The following NBAS variants were observed in gnomAD, a reference collection of about 807,000 sequenced individuals.
The protein encoded by NBAS is NBAS subunit of NRZ tethering complex.
NBAS carries 219 observed loss-of-function variants against 302.5 expected under a neutral mutation model. The observed-to-expected ratio is 0.72, with a 90% CI of 0.65 to 0.81. The LOEUF (loss-of-function observed/expected upper bound fraction) is 0.81. NBAS is among the 30% of genes least tolerant of loss of function. The pLI is 0.00. For missense variants in NBAS, 2,932 were observed against 2,841.6 expected (o/e 1.03, Z -0.72); for synonymous variants, 1,118 against 1,021.6 (o/e 1.09, Z -1.80).
At chr2:14,781,446 C>T in the NBAS span, among the ~76,000 whole-genome samples, 360 of 151,992 alleles carry the variant, frequency 2.4e-3, no homozygotes, top group African/African-American at 7.9e-3. Flanking sequence ...TCATTTCCTA[C>T]CTGGGCTACT....
At chr2:14,818,657 T>C in the NBAS span, among the ~76,000 whole-genome samples, 1 of 152,202 alleles carries the variant, frequency 6.6e-6, no homozygotes, top group African/African-American at 2.4e-5. Flanking sequence ...TTTGCGACAG[T>C]CCTTACCGTG....
At chr2:15,350,975 T>C (rs1673325390) in intron 35 of NBAS, among the ~76,000 whole-genome samples, 1 of 152,174 alleles carries the variant, frequency 6.6e-6, no homozygotes, top group African/African-American at 2.4e-5. Flanking sequence ...AATGCACATT[T>C]CCAGTGCTAC....
At chr2:14,874,442 T>A in the NBAS span, among the ~76,000 whole-genome samples, 34 of 143,224 alleles carry the variant, frequency 2.4e-4, no homozygotes, top group South Asian at 4.4e-3. Flanking sequence ...CTGTCTAACA[T>A]GGTGAAACCC....
At chr2:15,358,436 GC>G (rs1430548745) in intron 32 of NBAS, among the ~76,000 whole-genome samples, 1 of 151,882 alleles carries the variant, frequency 6.6e-6, no homozygotes. Flanking sequence ...GTGCGCGTGT[GC>G]CCGTGTGCAT....
At chr2:14,832,022 C>T in the NBAS span, among the ~76,000 whole-genome samples, 1 of 152,262 alleles carries the variant, frequency 6.6e-6, no homozygotes, top group African/African-American at 2.4e-5. Flanking sequence ...TCAGGAAGTG[C>T]TAGTGATCGA....
the NBAS span, among the ~76,000 whole-genome samples, chr2:14,951,988 G>T: frequency 6.6e-6 from 1 of 152,144 alleles, no homozygotes; most frequent in Non-Finnish European, 1.5e-5. Context: ...CATTGGTGGG[G>T]GAGGTGAAAA....
At chr2:15,135,151 C>G in the NBAS span, among the ~76,000 whole-genome samples, 3,188 of 152,272 alleles carry the variant, frequency 0.021, 40 homozygotes, top group Middle Eastern at 0.054. Context: ...ATCAGTGGCT[C>G]TTACGCAATA....
the NBAS span, among the ~76,000 whole-genome samples, chr2:15,094,359 C>T: frequency 1.3e-5 from 2 of 152,190 alleles, no homozygotes; most frequent in Admixed American, 1.3e-4. Flanking sequence ...CAAAAAAATA[C>T]ATTGCTCCTG....
chr2:15,411,621 A>T (rs1676690178), intron 25 of NBAS, among the ~76,000 whole-genome samples: 1 of 152,208 alleles, frequency 6.6e-6, no homozygotes, highest in South Asian at 2.1e-4. Flanking sequence ...TGACATATGT[A>T]ATCAGAAGTG....
chr2:15,294,278 G>T (rs535874377), intron 40 of NBAS, among the ~76,000 whole-genome samples: 1 of 152,110 alleles, frequency 6.6e-6, no homozygotes, highest in African/African-American at 2.4e-5. Context: ...CAGTAATAAC[G>T]AGGGCAGCAA....
chr2:14,955,475 G>T, the NBAS span, among the ~76,000 whole-genome samples: 1 of 152,224 alleles, frequency 6.6e-6, no homozygotes, highest in South Asian at 2.1e-4. Flanking sequence ...TCTGTATGGA[G>T]GCTCTGACTC....
intron 36 of NBAS, among the ~76,000 whole-genome samples, chr2:15,330,313 G>C (rs1026008244): frequency 2.0e-5 from 3 of 152,128 alleles, no homozygotes; most frequent in African/African-American, 7.2e-5. Flanking sequence ...AATAGCAAAA[G>C]CAAGTAAGCA....
chr2:15,001,622 T>C, the NBAS span, among the ~76,000 whole-genome samples: 57 of 152,262 alleles, frequency 3.7e-4, no homozygotes, highest in African/African-American at 1.3e-3. Flanking sequence ...TCTAACATAG[T>C]ATTGTGTCCA....
the NBAS span, among the ~76,000 whole-genome samples, chr2:15,075,627 G>T: frequency 6.6e-6 from 1 of 152,120 alleles, no homozygotes; most frequent in African/African-American, 2.4e-5. Flanking sequence ...TCTTTTGTGA[G>T]TCCCCAAAAT....
At chr2:14,901,728 C>T in the NBAS span, among the ~76,000 whole-genome samples, 1 of 152,174 alleles carries the variant, frequency 6.6e-6, no homozygotes, top group Non-Finnish European at 1.5e-5. Flanking sequence ...CTTAATTCAT[C>T]ATTTTTAAAT....
At chr2:15,499,563 G>A (rs2148628195) in intron 11 of NBAS, among the ~76,000 whole-genome samples, 1 of 152,246 alleles carries the variant, frequency 6.6e-6, no homozygotes, top group East Asian at 1.9e-4. Context: ...GCTAAATGAT[G>A]AGAACACATA....
chr2:15,389,367 G>A (rs1675476540), intron 28 of NBAS, among the ~76,000 whole-genome samples: 1 of 152,204 alleles, frequency 6.6e-6, no homozygotes, highest in Non-Finnish European at 1.5e-5. Flanking sequence ...CTTAGCCTCA[G>A]GGAAGCCCAT....
At chr2:15,549,291 T>C (rs1664264057) in intron 6 of NBAS, among the ~76,000 whole-genome samples, 1 of 152,092 alleles carries the variant, frequency 6.6e-6, no homozygotes, top group South Asian at 2.1e-4. Flanking sequence ...TAATGATCAA[T>C]TTGCCAAGGA....
the NBAS span, among the ~76,000 whole-genome samples, chr2:15,085,542 C>T: frequency 6.6e-6 from 1 of 152,176 alleles, no homozygotes; most frequent in African/African-American, 2.4e-5. Context: ...GGAGCCCCTG[C>T]TCCAGGCTGT....
Sources: gnomAD v4.1 joint callset for allele counts (sites outside exome capture counted in the v4.1 genomes callset) on GRCh38, gnomAD v4.1.1 for gene constraint, MANE v1.5 for transcripts, NCBI Gene and HGNC (gene_info 2026-07-23, HGNC 2026-07-21) for gene names.